RFX3: variants seen among roughly 807,000 people sequenced by gnomAD.
RFX3 encodes the protein regulatory factor X3, also known as transcription factor RFX3.
In RFX3, 14 loss-of-function variants were observed where a neutral mutation model predicts 98.6. That is an observed-to-expected ratio of 0.14 (90% CI 0.09 to 0.22). RFX3 has a LOEUF of 0.22. Among genes scored for constraint, RFX3 ranks in the 10% least tolerant of loss-of-function variants. RFX3 has a pLI of 1.00. For synonymous variants in RFX3, 383 were observed against 328.4 expected (o/e 1.17, Z -1.80); for missense variants, 639 against 926.9 (o/e 0.69, Z 4.03).
intron 1 of RFX3, among the ~76,000 whole-genome samples, chr9:3,502,343 C>A (rs560589165): frequency 5.9e-5 from 9 of 152,010 alleles, no homozygotes; most frequent in Admixed American, 2.6e-4. Flanking sequence ...CTGAAATGAG[C>A]TGATTTTTGA....
intron 1 of RFX3, among the ~76,000 whole-genome samples, chr9:3,496,525 A>G (rs1273369064): frequency 1.3e-5 from 2 of 151,944 alleles, no homozygotes; most frequent in African/African-American, 2.4e-5. Context: ...ATCCTATACC[A>G]CAAAGACTAA....
chr9:3,224,814 C>G lies in RFX3; in HGVS notation c.*228G>C. On this transcript the variant is annotated 3_prime_UTR_variant, in exon 17 of 17. Coordinates refer to ENST00000617270, the MANE Select transcript of RFX3 (RefSeq NM_001282116.2). ...AGTGTTGTAAAAATCCTTCTTGACA[C>G]CTGAAACTAAGGGAAAAAATTCATT... 1 of 420,200 alleles carries G rather than the reference C, an allele frequency of 2.4e-6. No individual in the cohort carries two copies. Among genetic ancestry groups the G allele is most frequent in the South Asian group, 5.3e-5 (1 of 18,874 alleles). 26.0% of individuals were successfully genotyped at this position (420,200 alleles called of 1,614,324 possible).
intron 4 of RFX3, chr9:3,324,133 A>C (rs746568408): frequency 5.2e-6 from 2 of 382,726 alleles, no homozygotes; most frequent in East Asian, 1.5e-4. Flanking sequence ...GAAAAAGCTA[A>C]GATCATAATG....
At chr9:3,406,433 G>C (rs893951158) in intron 1 of RFX3, among the ~76,000 whole-genome samples, 1 of 151,848 alleles carries the variant, frequency 6.6e-6, no homozygotes, top group Non-Finnish European at 1.5e-5. Flanking sequence ...TCCGAATCTA[G>C]TGTCCTCCTG....
intron 4 of RFX3, among the ~76,000 whole-genome samples, chr9:3,302,684 G>A (rs1016054564): frequency 2.0e-5 from 3 of 151,760 alleles, no homozygotes; most frequent in Non-Finnish European, 4.4e-5. Context: ...TATGGAAATT[G>A]ATAATGCCTT....
intron 4 of RFX3, among the ~76,000 whole-genome samples, chr9:3,313,023 T>C (rs1409449305): frequency 6.6e-6 from 1 of 152,200 alleles, no homozygotes; most frequent in Non-Finnish European, 1.5e-5. Flanking sequence ...GTAGTGGTTC[T>C]CCCAGCACAG....
At chr9:3,443,939 A>G (rs1845820815) in intron 1 of RFX3, among the ~76,000 whole-genome samples, 1 of 152,224 alleles carries the variant, frequency 6.6e-6, no homozygotes, top group Non-Finnish European at 1.5e-5. Context: ...GTAAGGATGT[A>G]GAGAAACTGG....
intron 1 of RFX3, among the ~76,000 whole-genome samples, chr9:3,418,177 T>A (rs1314040830): frequency 6.6e-6 from 1 of 152,194 alleles, no homozygotes; most frequent in Non-Finnish European, 1.5e-5. Flanking sequence ...GTTACTTAAG[T>A]AGCAATGCCT....
intron 4 of RFX3, among the ~76,000 whole-genome samples, chr9:3,311,754 G>T (rs1229435017): frequency 6.6e-6 from 1 of 150,774 alleles, no homozygotes; most frequent in East Asian, 1.9e-4. Context: ...GGTGTGGGTG[G>T]GCGCCTGTTA....
chr9:3,520,070 A>C (rs375386079), intron 1 of RFX3, among the ~76,000 whole-genome samples: 9 of 152,332 alleles, frequency 5.9e-5, no homozygotes, highest in African/African-American at 2.2e-4. Context: ...TGACTATGCC[A>C]CTGCACTCCA....
chr9:3,317,493 G>C (rs1033504336), intron 4 of RFX3, among the ~76,000 whole-genome samples: 3 of 152,090 alleles, frequency 2.0e-5, no homozygotes, highest in Non-Finnish European at 2.9e-5. Flanking sequence ...CAAAAGCAAT[G>C]GCAACAAAAG....
intron 14 of RFX3, among the ~76,000 whole-genome samples, chr9:3,250,044 A>G (rs1821179835): frequency 6.6e-6 from 1 of 152,010 alleles, no homozygotes; most frequent in South Asian, 2.1e-4. Flanking sequence ...ATTCAGTGAC[A>G]TATCACCAAT....
At chr9:3,427,335 A>G (rs1438065563) in intron 1 of RFX3, among the ~76,000 whole-genome samples, 3 of 142,840 alleles carry the variant, frequency 2.1e-5, no homozygotes, top group Non-Finnish European at 4.6e-5. Context: ...ATATAAATAT[A>G]TATTGTATTA....
At chr9:3,508,661 G>T (rs1376146554) in intron 1 of RFX3, among the ~76,000 whole-genome samples, 2 of 151,876 alleles carry the variant, frequency 1.3e-5, no homozygotes, top group Non-Finnish European at 2.9e-5. Flanking sequence ...AGTTTTACAA[G>T]AAGGTTTATC....
intron 1 of RFX3, among the ~76,000 whole-genome samples, chr9:3,405,648 AAAGT>A (rs1373798466): frequency 8.5e-5 from 13 of 152,324 alleles, no homozygotes; most frequent in Admixed American, 6.5e-4. Context: ...AAAGAAGCTA[AAAGT>A]AAGAGCCAGA....
At chr9:3,473,184 C>G (rs1330654670) in intron 1 of RFX3, among the ~76,000 whole-genome samples, 1 of 152,128 alleles carries the variant, frequency 6.6e-6, no homozygotes, top group African/African-American at 2.4e-5. Flanking sequence ...TTTCCCAAAT[C>G]AAAGTAGGCA....
chr9:3,475,968 C>T lies in RFX3; in HGVS notation c.-9+49779G>A, dbSNP rs562340024. Among the ~76,000 whole-genome samples the T allele has an allele frequency of 5.3e-4, 81 of 152,314 alleles. 1 individual carries two copies. The highest frequency in any genetic ancestry group is 1.5e-3 in the African/African-American group (61 of 41,570). ...GCATCTTCCCAGACGCTGGCGTTAC[C>T]GCTAGACCAAGGAGCTCTCTGGTGG... On this transcript the variant is annotated intron_variant, in intron 1 of 16. Coordinates refer to ENST00000617270, the MANE Select transcript of RFX3 (RefSeq NM_001282116.2).
chr9:3,304,584 A>T (rs1459466602), intron 4 of RFX3, among the ~76,000 whole-genome samples: 1 of 152,004 alleles, frequency 6.6e-6, no homozygotes, highest in Admixed American at 6.6e-5. Flanking sequence ...TAACTGAATC[A>T]TGGGGGTGGT....
At chr9:3,519,201 A>C (rs1320366309) in intron 1 of RFX3, among the ~76,000 whole-genome samples, 1 of 152,210 alleles carries the variant, frequency 6.6e-6, no homozygotes, top group East Asian at 1.9e-4. Flanking sequence ...ACCTAGTAAA[A>C]GGAGCCCATT....
Sources: gnomAD v4.1 joint callset for allele counts (sites outside exome capture counted in the v4.1 genomes callset) on GRCh38, gnomAD v4.1.1 for gene constraint, MANE v1.5 for transcripts, NCBI Gene and HGNC (gene_info 2026-07-23, HGNC 2026-07-21) for gene names.